ELF2: variants seen among roughly 807,000 people sequenced by gnomAD.
The protein encoded by ELF2 is E74 like ETS transcription factor 2.
A neutral mutation model predicts 54.8 loss-of-function variants in ELF2; 11 were observed. The ratio of observed to expected loss-of-function variants is 0.20; its 90% confidence interval spans 0.13 to 0.33. The LOEUF (loss-of-function observed/expected upper bound fraction) is 0.33. ELF2 is among the 10% of genes least tolerant of loss of function. ELF2 has a pLI of 1.00. For missense variants in ELF2, 513 were observed against 703.0 expected (o/e 0.73, Z 3.06); for synonymous variants, 203 against 245.1 (o/e 0.83, Z 1.61).
intron 1 of ELF2, among the ~76,000 whole-genome samples, chr4:139,165,132 G>A (rs753493739): frequency 6.6e-6 from 1 of 152,122 alleles, no homozygotes; most frequent in African/African-American, 2.4e-5. Context: ...ATTTCATGCT[G>A]TCTTTATTAG....
intron 7 of ELF2, among the ~76,000 whole-genome samples, chr4:139,064,301 C>G (rs761295052): frequency 3.3e-5 from 5 of 152,146 alleles, no homozygotes; most frequent in Admixed American, 6.5e-5. Flanking sequence ...AGCGACAGAA[C>G]GAGACTCCGT....
At chr4:139,057,240 T>C (rs929363953), downstream of ELF2, 1 of 152,158 alleles carries the variant, frequency 6.6e-6, no homozygotes, top group African/African-American at 2.4e-5. Flanking sequence ...AATGGGAAAA[T>C]AATCAAGTGA....
intron 3 of ELF2, among the ~76,000 whole-genome samples, chr4:139,135,320 C>T (rs1289913134): frequency 2.4e-4 from 36 of 149,400 alleles, no homozygotes; most frequent in Non-Finnish European, 3.0e-5. Flanking sequence ...GCTCCTAAGA[C>T]AAAAATCTAT....
intron 3 of ELF2, among the ~76,000 whole-genome samples, chr4:139,132,980 C>T (rs1737697232): frequency 6.6e-6 from 1 of 151,292 alleles, no homozygotes; most frequent in African/African-American, 2.4e-5. Context: ...TAAGCTCCGC[C>T]TCCCCCAATC....
At chr4:139,129,701 T>G (rs1316285465) in intron 3 of ELF2, among the ~76,000 whole-genome samples, 2 of 152,214 alleles carry the variant, frequency 1.3e-5, no homozygotes, top group Non-Finnish European at 2.9e-5. Context: ...GAGTAAGTTA[T>G]TCAATTAGTG....
rs58765596 is a variant in ELF2 at position 139,132,841 on chromosome 4, C to CATATATAT, written c.72+4781_72+4788dup. On this transcript the variant is annotated intron_variant, in intron 3 of 9. Transcript: ENST00000686138. The stretch of plus-strand genomic sequence containing the variant: ...TTTCCAAAGTGGTTATATTACTTTA[C>CATATATAT]ATATATATATATATATATATATATA... Among the ~76,000 whole-genome samples, 1,068 of 114,864 alleles carry CATATATAT rather than the reference C, an allele frequency of 9.3e-3. 5 individuals carry two copies. Among genetic ancestry groups the CATATATAT allele is most frequent in the African/African-American group, 0.015 (474 of 31,520 alleles). 75.4% of individuals were successfully genotyped at this position (114,864 alleles called of 152,430 possible).
At chr4:139,131,497 A>G (rs147498590) in intron 3 of ELF2, among the ~76,000 whole-genome samples, 2 of 152,360 alleles carry the variant, frequency 1.3e-5, no homozygotes, top group African/African-American at 4.8e-5. Context: ...TGGTATTGTA[A>G]TCCTTTTCTC....
At chr4:139,156,030 A>C (rs967667683) in intron 1 of ELF2, among the ~76,000 whole-genome samples, 8 of 152,260 alleles carry the variant, frequency 5.3e-5, no homozygotes, top group African/African-American at 1.9e-4. Flanking sequence ...AAAGTGATAT[A>C]ACTTGCCAAT....
chr4:139,067,838 C>CT, intron 6 of ELF2, 68 bp from the exon 7 acceptor site: 1 of 1,411,266 alleles, frequency 7.1e-7, no homozygotes, highest in Non-Finnish European at 9.7e-7. Context: ...GATTAGCAGA[C>CT]TTTCTGATTA....
intron 3 of ELF2, among the ~76,000 whole-genome samples, chr4:139,128,895 A>G (rs961248430): frequency 6.6e-6 from 1 of 152,088 alleles, no homozygotes; most frequent in African/African-American, 2.4e-5. Context: ...TCATACATTT[A>G]TTATTACCCT....
intron 1 of ELF2, among the ~76,000 whole-genome samples, chr4:139,150,047 T>C (rs1325783644): frequency 1.3e-5 from 2 of 151,602 alleles, no homozygotes; most frequent in Admixed American, 1.3e-4. Flanking sequence ...ATATAAAAAT[T>C]AGCTGGGCGT....
chr4:139,175,189 T>C (rs1346326938), intron 1 of ELF2, among the ~76,000 whole-genome samples: 1 of 152,178 alleles, frequency 6.6e-6, no homozygotes, highest in East Asian at 1.9e-4. Context: ...GCCACTAACA[T>C]TAGCAGACCC....
At chr4:139,159,822 A>T (rs781463432) in intron 1 of ELF2, among the ~76,000 whole-genome samples, 1 of 152,214 alleles carries the variant, frequency 6.6e-6, no homozygotes, top group East Asian at 1.9e-4. Flanking sequence ...AAGTGGCATT[A>T]ATGAAAGAGG....
intron 3 of ELF2, among the ~76,000 whole-genome samples, chr4:139,129,720 T>C (rs947648181): frequency 2.6e-5 from 4 of 152,240 alleles, no homozygotes; most frequent in Non-Finnish European, 5.9e-5. Context: ...TGACAGCTGA[T>C]ATTATATTTT....
intron 4 of ELF2, among the ~76,000 whole-genome samples, chr4:139,097,234 G>A (rs1733377174): frequency 6.6e-6 from 1 of 152,084 alleles, no homozygotes; most frequent in South Asian, 2.1e-4. Context: ...CACAATCATG[G>A]CTCACTGCAG....
At position 139,125,225 on chromosome 4, in the gene ELF2, C is replaced by T. The variant is rs1001113739; in HGVS notation, c.177G>A (p.Glu59=). ...CTGCCACATCTTGCATCATATAAGT[C>T]TCATCATCATAAACCAGAACCTGGG... is the stretch of plus-strand genomic sequence containing the variant. ...YAAQVLVYDD[E]TYMMQDVAEE... The change falls in exon 4 of 10, where the codon GAG becomes GAA. Residue 59 remains glutamate, a synonymous_variant. Coordinates refer to ENST00000686138, the MANE Select transcript of ELF2 (RefSeq NM_001331036.3). 3.1e-6 allele frequency: 5 copies of T among 1,613,902 alleles called. No individual in the cohort carries two copies. The highest frequency in any genetic ancestry group is 4.2e-6 in the Non-Finnish European group (5 of 1,179,946).
rs1210464205 is a variant in ELF2, at chr4:139,084,275, G to A, written c.239-10708C>T. ...AGGGGAGGAGGCGGAACCCGCGGCCGGAGACACACGCCGTGCGACCGACAC... is the reference window on the plus strand; with the variant it reads ...AGGGGAGGAGGCGGAACCCGCGGCCAGAGACACACGCCGTGCGACCGACAC... On this transcript the variant is annotated intron_variant, in intron 4 of 9. Coordinates refer to ENST00000686138, the MANE Select transcript of ELF2 (RefSeq NM_001331036.3). The A allele has an allele frequency of 3.1e-6, 5 of 1,603,450 alleles. No individual in the cohort carries two copies. In the African/African-American group the frequency reaches 5.3e-5, roughly 17 times the overall value.
At position 139,153,643 on chromosome 4, in the gene ELF2, C is replaced by G. The variant is rs192513723; in HGVS notation, c.-251-14146G>C. ...TTCACAATTTGCTCACAGGTAAATG[C>G]CTTCTGGGCCCAAGATCTTTACCCT... On this transcript the variant is annotated intron_variant, in intron 1 of 9. Coordinates refer to ENST00000686138, the MANE Select transcript of ELF2 (RefSeq NM_001331036.3). 3.3e-5 allele frequency among the ~76,000 whole-genome samples: 5 copies of G among 152,136 alleles called. No individual in the cohort carries two copies. In the East Asian group the frequency reaches 9.7e-4, roughly 29 times the overall value.
chr4:139,097,842 A>T (rs1231210773), intron 4 of ELF2, among the ~76,000 whole-genome samples: 1 of 152,082 alleles, frequency 6.6e-6, no homozygotes, highest in Non-Finnish European at 1.5e-5. Flanking sequence ...CCCAGGCTGG[A>T]GTACAATGTG....
Sources: gnomAD v4.1 joint callset for allele counts (sites outside exome capture counted in the v4.1 genomes callset) on GRCh38, gnomAD v4.1.1 for gene constraint, MANE v1.5 for transcripts, NCBI Gene and HGNC (gene_info 2026-07-23, HGNC 2026-07-21) for gene names.